CREB5: variants seen among roughly 807,000 people sequenced by gnomAD.
CREB5 encodes the protein cAMP responsive element binding protein 5.
In CREB5, 19 loss-of-function variants were observed where a neutral mutation model predicts 57.1. That is an observed-to-expected ratio of 0.33 (90% CI 0.23 to 0.49). The LOEUF is 0.49. CREB5 is among the 20% of genes least tolerant of loss of function. The probability of loss-of-function intolerance (pLI) is 0.99; values close to 1 mark genes in which losing one functional copy is unlikely to be tolerated. For missense variants in CREB5, 579 were observed against 671.6 expected, an observed-to-expected ratio of 0.86 and a Z score of 1.52; for synonymous variants, 238 against 238.3, an observed-to-expected ratio of 1.00 and a Z score of 0.01.
At chr7:28,773,580 G>C (rs1368412903) in intron 7 of CREB5, among the ~76,000 whole-genome samples, 3 of 152,136 alleles carry the variant, frequency 2.0e-5, no homozygotes, top group Non-Finnish European at 4.4e-5. Context: ...TATCACAAAA[G>C]CAGCCATACG....
At chr7:28,546,793 A>G (rs756630270) in intron 4 of CREB5, among the ~76,000 whole-genome samples, 4 of 152,220 alleles carry the variant, frequency 2.6e-5, no homozygotes, top group Non-Finnish European at 4.4e-5. Context: ...ATTCAAGCCC[A>G]GATTCTGCTA....
At chr7:28,491,258 G>T in intron 2 of CREB5, 1 of 985,448 alleles carries the variant, frequency 1.0e-6, no homozygotes, top group Non-Finnish European at 1.2e-6. Flanking sequence ...CAGTGAGACA[G>T]AAGGGGTGAG....
chr7:28,632,850 G>A (rs1241879540), intron 5 of CREB5, among the ~76,000 whole-genome samples: 1 of 151,918 alleles, frequency 6.6e-6, no homozygotes, highest in Admixed American at 6.6e-5. Flanking sequence ...TTAATTTTTT[G>A]TTTATCATCT....
In CREB5 at chr7:28,412,638, A is replaced by G. The variant is rs945887123; in HGVS notation, c.-277A>G. ...TAGGGAGTTCAAGACTACTGGAAAA[A>G]TTAGTCTCATTACTAAAAGAAACTT... On this transcript the variant is annotated 5_prime_UTR_variant, in exon 1 of 11. Coordinates refer to ENST00000357727, the MANE Select transcript of CREB5 (RefSeq NM_182898.4). The G allele has an allele frequency of 1.8e-5, 6 of 335,520 alleles. No individual in the cohort carries two copies. Among genetic ancestry groups the G allele is most frequent in the Non-Finnish European group, 2.7e-5 (5 of 186,690 alleles). 20.8% of individuals were successfully genotyped at this position (335,520 alleles called of 1,614,324 possible). A position where few individuals can be genotyped will look rare whatever the true frequency, so the allele number is the denominator to read the frequency against.
At chr7:28,635,998 C>G (rs1044826969) in intron 5 of CREB5, among the ~76,000 whole-genome samples, 8 of 152,188 alleles carry the variant, frequency 5.3e-5, no homozygotes, top group Non-Finnish European at 8.8e-5. Flanking sequence ...AAAATAAAAC[C>G]AATAAATAGT....
intron 5 of CREB5, among the ~76,000 whole-genome samples, chr7:28,640,741 G>C (rs1200112174): frequency 6.6e-6 from 1 of 152,092 alleles, no homozygotes. Flanking sequence ...GCAAATGTAC[G>C]ATGCTCATTC....
intron 1 of CREB5, among the ~76,000 whole-genome samples, chr7:28,319,994 G>C (rs1486931928): frequency 6.6e-6 from 1 of 151,970 alleles, no homozygotes; most frequent in Non-Finnish European, 1.5e-5. Context: ...GAAGTGGTGT[G>C]ATCTTGGCTC....
intron 1 of CREB5, among the ~76,000 whole-genome samples, chr7:28,478,414 T>A (rs1791170438): frequency 6.6e-6 from 1 of 151,780 alleles, no homozygotes; most frequent in Non-Finnish European, 1.5e-5. Context: ...AAAAAATATG[T>A]ATATGTGTGT....
chr7:28,580,463 A>ACACACACACACACAC (rs1554347479), intron 5 of CREB5, among the ~76,000 whole-genome samples: 1 of 146,772 alleles, frequency 6.8e-6, no homozygotes, highest in Non-Finnish European at 1.5e-5. Context: ...ACACACACAC[A>ACACACACACACACAC]ATAGATAGCT....
rs1798722134 is a variant in CREB5 at position 28,642,967 on chromosome 7, C to CAT, written c.464+72431_464+72432insTA. The stretch of plus-strand genomic sequence containing the variant: ...GGGTAGATTTACACACACACACACA[C>CAT]ACACACACACACACACACATACACA... On this transcript the variant is annotated intron_variant, in intron 5 of 10. Coordinates refer to ENST00000357727, the MANE Select transcript of CREB5 (RefSeq NM_182898.4). Among the ~76,000 whole-genome samples the CAT allele has an allele frequency of 3.9e-4, 37 of 93,804 alleles. 1 individual carries two copies. Among genetic ancestry groups the CAT allele is most frequent in the East Asian group, 5.8e-4 (2 of 3,466 alleles). 61.5% of individuals were successfully genotyped at this position (93,804 alleles called of 152,430 possible). A position where few individuals can be genotyped will look rare whatever the true frequency, so the allele number is the denominator to read the frequency against.
intron 4 of CREB5, among the ~76,000 whole-genome samples, chr7:28,562,169 C>T (rs539064527): frequency 2.0e-5 from 3 of 152,298 alleles, no homozygotes; most frequent in East Asian, 3.9e-4. Flanking sequence ...CTATTTCTCT[C>T]CTTTTAACCC....
At chr7:28,818,574 C>T (rs1809573397) in intron 10 of CREB5, among the ~76,000 whole-genome samples, 1 of 152,180 alleles carries the variant, frequency 6.6e-6, no homozygotes, top group African/African-American at 2.4e-5. Flanking sequence ...AGAAACACTG[C>T]ATGTTACTCA....
At chr7:28,494,264 C>T (rs6970724) in intron 2 of CREB5, among the ~76,000 whole-genome samples, 128,588 of 152,248 alleles carry the variant, frequency 0.84, 54,586 homozygotes, top group African/African-American at 0.92. Flanking sequence ...AATTTTAACT[C>T]GTCATGCTGC....
chr7:28,673,641 A>AAGT (rs978501462), intron 5 of CREB5, among the ~76,000 whole-genome samples: 4 of 143,492 alleles, frequency 2.8e-5, no homozygotes, highest in Non-Finnish European at 6.1e-5. Context: ...TGTTGACATG[A>AAGT]AGTTTCTCTC....
chr7:28,404,320 T>A (rs1170875305), intron 1 of CREB5, among the ~76,000 whole-genome samples: 1 of 151,992 alleles, frequency 6.6e-6, no homozygotes, highest in Non-Finnish European at 1.5e-5. Context: ...ATGCCATTGG[T>A]TTTTTTTGCA....
chr7:28,737,575 AT>A (rs1562606796), intron 7 of CREB5, among the ~76,000 whole-genome samples: 695 of 36,870 alleles, frequency 0.019, 19 homozygotes, highest in South Asian at 0.062. Context: ...ATATATATAT[AT>A]ATATATATAT....
At chr7:28,501,962 G>A (rs993262429) in intron 3 of CREB5, among the ~76,000 whole-genome samples, 1 of 152,154 alleles carries the variant, frequency 6.6e-6, no homozygotes, top group Non-Finnish European at 1.5e-5. Context: ...GCAATGAATG[G>A]ATCCCAGTAT....
At chr7:28,618,904 C>T (rs1797689712) in intron 5 of CREB5, among the ~76,000 whole-genome samples, 1 of 152,182 alleles carries the variant, frequency 6.6e-6, no homozygotes, top group Non-Finnish European at 1.5e-5. Context: ...TTCAAGTTAA[C>T]AGCAGGCATT....
intron 7 of CREB5, among the ~76,000 whole-genome samples, chr7:28,732,707 T>TGACTC (rs1216437788): frequency 6.7e-6 from 1 of 149,304 alleles, no homozygotes; most frequent in African/African-American, 2.5e-5. Flanking sequence ...TTTGGGATGA[T>TGACTC]GACTCTGTCT....
Sources: allele counts gnomAD v4.1 joint callset (sites outside exome capture counted in the v4.1 genomes callset), GRCh38; gene constraint gnomAD v4.1.1; transcripts MANE v1.5; gene names NCBI Gene and HGNC (gene_info 2026-07-23, HGNC 2026-07-21).